Variants in GSDMC observed in about 807,000 individuals in gnomAD.
GSDMC encodes the protein gasdermin C.
A neutral mutation model predicts 58.0 loss-of-function variants in GSDMC; 59 were observed. That is an observed-to-expected ratio of 1.02 (90% CI 0.82 to 1.26). The LOEUF is 1.26. GSDMC is among the 50% of genes most tolerant of loss of function. GSDMC has a pLI of 0.00. For missense variants in GSDMC, 659 were observed against 598.5 expected (o/e 1.10, Z -1.06); for synonymous variants, 241 against 220.2 (o/e 1.09, Z -0.83).
At chr8:129,747,035 AG>A (rs1316457912), downstream of GSDMC, among the ~76,000 whole-genome samples, 1 of 151,886 alleles carries the variant, frequency 6.6e-6, no homozygotes, top group Non-Finnish European at 1.5e-5. Context: ...AGATCACTTG[AG>A]GCCAGGAGTT....
At position 129,777,351 on chromosome 8, in the gene GSDMC, CCTCTGG is replaced by C. The variant is rs747036726; in HGVS notation, c.220+11_220+16del. 6.6e-7 allele frequency: 1 copy of C among 1,513,102 alleles called. No individual in the cohort carries two copies. Among genetic ancestry groups the C allele is most frequent in the Non-Finnish European group, 9.2e-7 (1 of 1,088,368 alleles). The allele number at this position is 1,513,102 out of a possible 1,614,324, so 93.7% of individuals were successfully genotyped here. On this transcript the variant is annotated intron_variant, in intron 2 of 13. Coordinates refer to ENST00000276708, the MANE Select transcript of GSDMC (RefSeq NM_031415.3). ...TGTTTTTCACCCCTCACCTCCTTGG[CCTCTGG>C]CTGACAATACCTAGGACTGAAGAAC...
intron 12 of GSDMC, 65 bp downstream of exon 12, chr8:129,749,925 A>G: frequency 7.3e-7 from 1 of 1,378,242 alleles, no homozygotes; most frequent in Non-Finnish European, 9.9e-7. Flanking sequence ...CATCTAACAC[A>G]GCTTTTTGCG....
At chr8:129,771,808 G>A (rs2034059610) in intron 3 of GSDMC, among the ~76,000 whole-genome samples, 1 of 151,882 alleles carries the variant, frequency 6.6e-6, no homozygotes, top group African/African-American at 2.4e-5. Flanking sequence ...AAATCAAAAG[G>A]GAATTCAAAA....
the GSDMC span, among the ~76,000 whole-genome samples, chr8:129,741,915 A>ATATATATATATATATATATATAT: frequency 7.9e-6 from 1 of 126,260 alleles, no homozygotes; most frequent in South Asian, 2.5e-4. Context: ...AAGAAAATGT[A>ATATATATATATATATATATATAT]ATATATATAT....
the GSDMC span, among the ~76,000 whole-genome samples, chr8:129,708,497 A>T: frequency 6.6e-6 from 1 of 152,044 alleles, no homozygotes; most frequent in Non-Finnish European, 1.5e-5. Context: ...GCCTTAAGGA[A>T]CCTCCTAGAA....
the GSDMC span, among the ~76,000 whole-genome samples, chr8:129,713,799 G>A: frequency 0.2 from 29,754 of 152,024 alleles, 3,382 homozygotes; most frequent in Non-Finnish European, 0.25. Context: ...AGAAGCCAGA[G>A]TTCCCAACCA....
At chr8:129,749,401 C>T in intron 13 of GSDMC, 51 bp downstream of exon 13, 1 of 1,251,142 alleles carries the variant, frequency 8.0e-7, no homozygotes, top group Non-Finnish European at 1.2e-6. Flanking sequence ...CTTCTTACCT[C>T]TGGTTCCCTC....
rs374835768 is a variant in GSDMC, at chr8:129,748,577, C to T, written c.1451G>A (p.Trp484Ter). The change falls in exon 14 of 14, where the codon TGG (tryptophan) becomes TAG (stop). Residue 484 changes from tryptophan (W) to a stop codon, truncating the protein, a stop_gained. Transcript: ENST00000276708. LOFTEE classifies it low-confidence loss of function (END_TRUNC). ...RMELDNPRST[W>*]DVEAKMPLSA... ...CAGGGGCATCTTTGCTTCTACATCCCAGGTTGACCTGGGGTTATCCAGCTC... is the reference window on the plus strand; with the variant it reads ...CAGGGGCATCTTTGCTTCTACATCCTAGGTTGACCTGGGGTTATCCAGCTC... 65 of 1,613,674 alleles carry T rather than the reference C, an allele frequency of 4.0e-5. No individual in the cohort carries two copies. Among genetic ancestry groups the T allele is most frequent in the Non-Finnish European group, 5.3e-5 (63 of 1,179,832 alleles).
At chr8:129,755,444 C>T (rs2033390550) in intron 6 of GSDMC, among the ~76,000 whole-genome samples, 1 of 152,100 alleles carries the variant, frequency 6.6e-6, no homozygotes, top group African/African-American at 2.4e-5. Context: ...TCATCAACAC[C>T]AGACCTGTCT....
At chr8:129,722,274 T>C in the GSDMC span, among the ~76,000 whole-genome samples, 1 of 152,138 alleles carries the variant, frequency 6.6e-6, no homozygotes, top group Non-Finnish European at 1.5e-5. Context: ...CCTCCTTGAA[T>C]GAGAGGGAGA....
chr8:129,776,117 T>C lies in GSDMC; in HGVS notation c.389A>G (p.Glu130Gly). ...ATGGCCTCACCTTTTTTGAAAGTCT[T>C]CCAGGTTTGGTGATGGGATGGTAAC... ...QIVTIPSPNL[E>G]DFQKRKLLDP... Residue 130 changes from glutamate (E) to glycine (G), a missense_variant, in exon 3 of 14, where the codon GAA becomes GGA. Coordinates refer to ENST00000276708, the MANE Select transcript of GSDMC (RefSeq NM_031415.3). The C allele has an allele frequency of 6.2e-7, 1 of 1,613,512 alleles. No individual in the cohort carries two copies. The highest frequency in any genetic ancestry group is 8.5e-7 in the Non-Finnish European group (1 of 1,179,680).
chr8:129,785,945 A>G (rs1290067206), intron 1 of GSDMC, 66 bp downstream of exon 1: 1 of 152,256 alleles, frequency 6.6e-6, no homozygotes, highest in Non-Finnish European at 1.5e-5. Context: ...AAACCCATCC[A>G]GAACATTTTT....
At chr8:129,783,306 C>T (rs2034469380) in intron 1 of GSDMC, among the ~76,000 whole-genome samples, 3 of 151,994 alleles carry the variant, frequency 2.0e-5, no homozygotes, top group Admixed American at 6.6e-5. Flanking sequence ...TCAAATTGTC[C>T]TTGTTTGTGG....
At chr8:129,708,939 C>T in the GSDMC span, among the ~76,000 whole-genome samples, 3 of 152,190 alleles carry the variant, frequency 2.0e-5, no homozygotes, top group Non-Finnish European at 4.4e-5. Context: ...GCCTCAGTTT[C>T]CTCATCTGAA....
At chr8:129,762,765 T>C (rs772397644) in intron 4 of GSDMC, 34 bp from the exon 5 acceptor site, 18 of 1,418,684 alleles carry the variant, frequency 1.3e-5, no homozygotes, top group Admixed American at 1.7e-5. Context: ...CAGTATTAAA[T>C]GTATGTAATT....
At chr8:129,743,426 T>C (rs1245122497), downstream of GSDMC, among the ~76,000 whole-genome samples, 1 of 152,214 alleles carries the variant, frequency 6.6e-6, no homozygotes, top group African/African-American at 2.4e-5. Context: ...TCCATTTCGT[T>C]ATTTTCAATT....
the GSDMC span, among the ~76,000 whole-genome samples, chr8:129,709,594 A>AGAT: frequency 2.1e-5 from 2 of 93,942 alleles, no homozygotes; most frequent in African/African-American, 7.0e-5. Flanking sequence ...GATAGATGAT[A>AGAT]GATAGATAGA....
At chr8:129,732,107 G>A in the GSDMC span, among the ~76,000 whole-genome samples, 1 of 152,012 alleles carries the variant, frequency 6.6e-6, no homozygotes, top group Admixed American at 6.6e-5. Flanking sequence ...GGCCACAAGG[G>A]GTTCTCTCTC....
intron 4 of GSDMC, among the ~76,000 whole-genome samples, chr8:129,764,523 C>T (rs1212142319): frequency 6.6e-6 from 1 of 152,156 alleles, no homozygotes; most frequent in Non-Finnish European, 1.5e-5. Context: ...CACTCCCACC[C>T]TTCACTGTAA....
Sources: gnomAD v4.1 joint callset for allele counts (sites outside exome capture counted in the v4.1 genomes callset) on GRCh38, gnomAD v4.1.1 for gene constraint, MANE v1.5 for transcripts, NCBI Gene and HGNC (gene_info 2026-07-23, HGNC 2026-07-21) for gene names.